UGT2A1: variants seen among roughly 807,000 people sequenced by gnomAD.
UGT2A1 encodes the protein UDP-glucuronosyltransferase 2A1.
A neutral mutation model predicts 45.4 loss-of-function variants in UGT2A1; 61 were observed. The observed-to-expected ratio is 1.34, with a 90% CI of 1.09 to 1.66. The LOEUF (loss-of-function observed/expected upper bound fraction) is 1.66. UGT2A1 is among the 40% of genes most tolerant of loss of function. The pLI is 0.00. For synonymous variants in UGT2A1, 229 were observed against 196.2 expected (o/e 1.17, Z -1.40); for missense variants, 649 against 574.3 (o/e 1.13, Z -1.33).
At chr4:69,601,161 T>C (rs997727128) in intron 3 of UGT2A1, among the ~76,000 whole-genome samples, 1 of 152,128 alleles carries the variant, frequency 6.6e-6, no homozygotes, top group Non-Finnish European at 1.5e-5. Flanking sequence ...ATACTCCCCA[T>C]GTGGATTCTT....
intron 2 of UGT2A1, among the ~76,000 whole-genome samples, chr4:69,643,320 T>A (rs1048578973): frequency 6.6e-6 from 1 of 151,532 alleles, no homozygotes; most frequent in Non-Finnish European, 1.5e-5. Context: ...AGTTAATAGA[T>A]TTGCACCTGA....
chr4:69,615,524 A>C, intron 3 of UGT2A1, among the ~76,000 whole-genome samples: 1 of 152,122 alleles, frequency 6.6e-6, no homozygotes, highest in East Asian at 1.9e-4. Context: ...AACAATTCAA[A>C]AAGAAAAGAA....
chr4:69,601,629 C>T (rs557408406), intron 3 of UGT2A1, among the ~76,000 whole-genome samples: 6 of 152,186 alleles, frequency 3.9e-5, no homozygotes, highest in Admixed American at 1.3e-4. Context: ...CATGCCAGTA[C>T]GTTACTACCA....
At chr4:69,605,777 A>T (rs892953248) in intron 3 of UGT2A1, among the ~76,000 whole-genome samples, 1 of 137,348 alleles carries the variant, frequency 7.3e-6, no homozygotes, top group Non-Finnish European at 1.6e-5. Context: ...AAGTACCATC[A>T]GAGAATACTA....
chr4:69,634,449 C>T (rs531781638), intron 3 of UGT2A1, among the ~76,000 whole-genome samples: 1 of 151,904 alleles, frequency 6.6e-6, no homozygotes, highest in Non-Finnish European at 1.5e-5. Context: ...GCAATAAATA[C>T]AACACTGGGC....
intron 3 of UGT2A1, among the ~76,000 whole-genome samples, chr4:69,611,300 T>TTTTTTTTTTTTTTTTTTTTG (rs1553904914): frequency 6.7e-6 from 1 of 148,960 alleles, no homozygotes; most frequent in African/African-American, 2.5e-5. Flanking sequence ...CAGCTATTCT[T>TTTTTTTTTTTTTTTTTTTTG]AATGCTATTA....
At chr4:69,601,283 A>G (rs1719273359) in intron 3 of UGT2A1, among the ~76,000 whole-genome samples, 1 of 152,156 alleles carries the variant, frequency 6.6e-6, no homozygotes, top group Non-Finnish European at 1.5e-5. Context: ...GGGGAGCCAG[A>G]GCACAGACTT....
At chr4:69,612,648 A>G (rs1252334610) in intron 3 of UGT2A1, among the ~76,000 whole-genome samples, 1 of 152,024 alleles carries the variant, frequency 6.6e-6, no homozygotes, top group East Asian at 1.9e-4. Flanking sequence ...CTATTCAATA[A>G]ATGGTGCTGG....
chr4:69,651,280 T>C lies in UGT2A1; in HGVS notation c.-55+1908A>G, dbSNP rs1466012789. On this transcript the variant is annotated intron_variant, in intron 1 of 6. Transcript: ENST00000286604. ...TTTGTGTTTGTAATTACTCTGATCT[T>C]AAAATCACTGAAAAGCTAATCTGCC... Among the ~76,000 whole-genome samples the C allele has an allele frequency of 2.0e-5, 3 of 152,176 alleles. No individual in the cohort carries two copies. In the East Asian group the frequency reaches 5.8e-4, roughly 29 times the overall value.
intron 3 of UGT2A1, among the ~76,000 whole-genome samples, chr4:69,607,199 T>TGGTACTGGTACCAAAACAGCAA (rs1719682707): frequency 6.7e-6 from 1 of 150,322 alleles, no homozygotes; most frequent in Non-Finnish European, 1.5e-5. Context: ...CAAAACAGCA[T>TGGTACTGGTACCAAAACAGCAA]GGTACTGGTA....
chr4:69,632,506 T>C (rs2109957475), intron 3 of UGT2A1, among the ~76,000 whole-genome samples: 1 of 152,300 alleles, frequency 6.6e-6, no homozygotes, highest in East Asian at 1.9e-4. Flanking sequence ...ATAATTTCTA[T>C]TTATGACCAA....
intron 1 of UGT2A1, 190 bp from the exon 2 acceptor site, chr4:69,647,888 G>T (rs1722353745): frequency 3.2e-6 from 1 of 312,702 alleles, no homozygotes; most frequent in Non-Finnish European, 5.8e-6. Context: ...TTTTAGTTAT[G>T]ATTCCTGCTG....
chr4:69,610,132 T>C (rs1467130453), intron 3 of UGT2A1, among the ~76,000 whole-genome samples: 2 of 152,148 alleles, frequency 1.3e-5, no homozygotes, highest in African/African-American at 2.4e-5. Flanking sequence ...AAAGTTGATA[T>C]AGTTTCTAAA....
At chr4:69,593,522 T>C (rs1333500224) in intron 6 of UGT2A1, among the ~76,000 whole-genome samples, 1 of 151,198 alleles carries the variant, frequency 6.6e-6, no homozygotes, top group Non-Finnish European at 1.5e-5. Flanking sequence ...ACACAATATA[T>C]ATACACACAC....
chr4:69,589,397 A>T lies in UGT2A1; in HGVS notation c.1559T>A (p.Ile520Lys), dbSNP rs143026062. 4 of 1,612,920 alleles carry T rather than the reference A, an allele frequency of 2.5e-6. No homozygotes were observed. Among genetic ancestry groups the T allele is most frequent in the Admixed American group, 1.7e-5 (1 of 59,806 alleles). ...CTATTCTCTTTTTTTCTTCTTTCCTATCTTACCAAATTTTTGACAGGAAAA... is the reference window on the plus strand; with the variant it reads ...CTATTCTCTTTTTTTCTTCTTTCCTTTCTTACCAAATTTTTGACAGGAAAA... ...CLFSCQKFGKIGKKKKRE is the reference protein window; with the variant it reads ...CLFSCQKFGKKGKKKKRE Residue 520 changes from isoleucine (I) to lysine (K), a missense_variant, in exon 7 of 7, where the codon ATA becomes AAA. By Grantham distance (102) the Ile-to-Lys change is moderately radical. Coordinates refer to ENST00000286604, the MANE Select transcript of UGT2A1 (RefSeq NM_001252275.3).
Position 69,647,417 on chromosome 4 carries a change from C to T in UGT2A1, c.228G>A (p.Val76=), listed in dbSNP as rs1179672546. 2.5e-6 allele frequency: 4 copies of T among 1,612,748 alleles called. No individual in the cohort carries two copies. The highest frequency in any genetic ancestry group is 3.4e-6 in the Non-Finnish European group (4 of 1,179,358). Residue 76 remains valine (V), a synonymous_variant, in exon 2 of 7, where the codon GTG becomes GTA. Transcript: ENST00000286604. ...CTTCTATTCTTTCTTTGCCAAAGGG[C>T]ACCTTATATATTTCAAATGTCAGAG... ...NPSLTFEIYK[V]PFGKERIEGV... is the part of the protein sequence containing the mutation.
intron 3 of UGT2A1, among the ~76,000 whole-genome samples, chr4:69,601,207 C>T (rs1411078957): frequency 6.6e-6 from 1 of 152,152 alleles, no homozygotes; most frequent in Non-Finnish European, 1.5e-5. Flanking sequence ...CTCCCTGGAA[C>T]ATTACCCCAA....
intron 3 of UGT2A1, among the ~76,000 whole-genome samples, chr4:69,614,865 A>G (rs1227403898): frequency 1.3e-5 from 2 of 152,064 alleles, no homozygotes; most frequent in African/African-American, 4.8e-5. Flanking sequence ...ATTGACCCAC[A>G]GTTCCACAGG....
At chr4:69,634,664 A>G (rs1721578507) in intron 3 of UGT2A1, among the ~76,000 whole-genome samples, 1 of 152,196 alleles carries the variant, frequency 6.6e-6, no homozygotes, top group Non-Finnish European at 1.5e-5. Flanking sequence ...AAAGAGAAGA[A>G]TAATATAATA....
Sources: gnomAD v4.1 joint callset for allele counts (sites outside exome capture counted in the v4.1 genomes callset) on GRCh38, gnomAD v4.1.1 for gene constraint, MANE v1.5 for transcripts, NCBI Gene and HGNC (gene_info 2026-07-23, HGNC 2026-07-21) for gene names.